The following SGCZ variants were observed in gnomAD, a reference collection of about 807,000 sequenced individuals.
SGCZ encodes the protein zeta-sarcoglycan.
SGCZ carries 40 observed loss-of-function variants against 41.3 expected under a neutral mutation model. That is an observed-to-expected ratio of 0.97 (90% CI 0.75 to 1.26). SGCZ has a LOEUF of 1.26. SGCZ is among the 50% of genes most tolerant of loss of function. The probability of loss-of-function intolerance (pLI) is 0.00; values close to 1 mark genes in which losing one functional copy is unlikely to be tolerated. For synonymous variants in SGCZ, 206 were observed against 137.5 expected (o/e 1.50, Z -3.49); for missense variants, 552 against 369.8 (o/e 1.49, Z -4.04).
At chr8:14,298,777 G>A (rs182847295) in intron 3 of SGCZ, among the ~76,000 whole-genome samples, 2 of 152,098 alleles carry the variant, frequency 1.3e-5, no homozygotes, top group African/African-American at 4.8e-5. Flanking sequence ...TTGACCAATG[G>A]AGTCAATGGA....
At chr8:15,108,091 T>C (rs1019676176) in intron 1 of SGCZ, among the ~76,000 whole-genome samples, 8 of 152,218 alleles carry the variant, frequency 5.3e-5, no homozygotes, top group Non-Finnish European at 7.3e-5. Context: ...GATTTATTTA[T>C]GAATTCTACT....
chr8:15,137,819 G>C (rs1226855131), intron 1 of SGCZ, among the ~76,000 whole-genome samples: 2 of 152,234 alleles, frequency 1.3e-5, no homozygotes, highest in East Asian at 3.9e-4. Flanking sequence ...TGCTAGGACA[G>C]CATGGAAGGG....
At chr8:14,308,087 T>TAG (rs1801404716) in intron 3 of SGCZ, among the ~76,000 whole-genome samples, 1 of 152,112 alleles carries the variant, frequency 6.6e-6, no homozygotes, top group Non-Finnish European at 1.5e-5. Context: ...ATTCATTTTG[T>TAG]CAAAAATGAA....
chr8:14,440,725 GTATATGTA>G lies in SGCZ; in HGVS notation c.234+113999_234+114006del, dbSNP rs1488250845. ...TATATGTATATACATACGTATACAC[GTATATGTA>G]TATATGTATATACATACGTATACAC... On this transcript the variant is annotated intron_variant, in intron 2 of 7. Transcript: ENST00000382080. Among the ~76,000 whole-genome samples, 12 of 58,710 alleles carry G rather than the reference GTATATGTA, an allele frequency of 2.0e-4. 1 individual carries two copies. Among genetic ancestry groups the G allele is most frequent in the Admixed American group, 5.8e-4 (3 of 5,172 alleles). 38.5% of individuals were successfully genotyped at this position (58,710 alleles called of 152,430 possible). A position where few individuals can be genotyped will look rare whatever the true frequency, so the allele number is the denominator to read the frequency against.
intron 2 of SGCZ, among the ~76,000 whole-genome samples, chr8:14,440,833 A>G (rs1396017915): frequency 2.8e-5 from 4 of 143,952 alleles, no homozygotes; most frequent in Admixed American, 7.0e-5. Context: ...ATATACATAC[A>G]TATATGTGTA....
chr8:14,608,782 C>A (rs770496260), intron 1 of SGCZ, among the ~76,000 whole-genome samples: 4 of 151,844 alleles, frequency 2.6e-5, no homozygotes, highest in East Asian at 3.9e-4. Context: ...CACATTTCAA[C>A]GTGAGATTTG....
intron 1 of SGCZ, among the ~76,000 whole-genome samples, chr8:14,663,108 C>A (rs1318855074): frequency 6.6e-6 from 1 of 152,120 alleles, no homozygotes; most frequent in African/African-American, 2.4e-5. Context: ...AAAACTATAA[C>A]ATTGGTGTCT....
At chr8:14,764,257 A>G (rs531823690) in intron 1 of SGCZ, among the ~76,000 whole-genome samples, 3 of 152,340 alleles carry the variant, frequency 2.0e-5, no homozygotes, top group Admixed American at 2.0e-4. Context: ...CACCCTTTGG[A>G]AAGCCCCAAT....
intron 5 of SGCZ, among the ~76,000 whole-genome samples, chr8:14,122,335 C>A (rs34389480): frequency 0.33 from 49,434 of 152,042 alleles, 10,244 homozygotes; most frequent in Non-Finnish European, 0.47. Flanking sequence ...GAGATAGGAA[C>A]ATTCTCATTC....
intron 7 of SGCZ, among the ~76,000 whole-genome samples, chr8:14,099,144 T>C (rs1228063352): frequency 6.6e-6 from 1 of 152,162 alleles, no homozygotes; most frequent in Non-Finnish European, 1.5e-5. Context: ...ATTGATTCTT[T>C]CCAACATAGC....
chr8:15,024,553 T>C (rs950632853), intron 1 of SGCZ, among the ~76,000 whole-genome samples: 4 of 152,142 alleles, frequency 2.6e-5, no homozygotes, highest in African/African-American at 9.7e-5. Context: ...TATGGAATGT[T>C]AGAAGGTGAT....
At chr8:14,678,378 C>G (rs1349716748) in intron 1 of SGCZ, among the ~76,000 whole-genome samples, 1 of 152,074 alleles carries the variant, frequency 6.6e-6, no homozygotes, top group Non-Finnish European at 1.5e-5. Flanking sequence ...GGGCCAGACA[C>G]CTTAATAGAC....
intron 1 of SGCZ, among the ~76,000 whole-genome samples, chr8:15,002,479 G>C (rs182783008): frequency 6.6e-6 from 1 of 152,244 alleles, no homozygotes; most frequent in African/African-American, 2.4e-5. Context: ...CTGGGAATGT[G>C]TGTGGCTGTG....
chr8:14,815,624 T>C (rs758489433), intron 1 of SGCZ, among the ~76,000 whole-genome samples: 41 of 152,174 alleles, frequency 2.7e-4, no homozygotes, highest in Admixed American at 1.4e-3. Flanking sequence ...TGTATAGAAA[T>C]ATGCAGTACC....
At chr8:14,843,721 T>A (rs1233075423) in intron 1 of SGCZ, among the ~76,000 whole-genome samples, 1 of 152,106 alleles carries the variant, frequency 6.6e-6, no homozygotes, top group African/African-American at 2.4e-5. Flanking sequence ...TAAAGATGAA[T>A]AAACGTGGTC....
At chr8:14,867,708 G>A (rs1435183615) in intron 1 of SGCZ, among the ~76,000 whole-genome samples, 2 of 152,058 alleles carry the variant, frequency 1.3e-5, no homozygotes, top group East Asian at 3.9e-4. Context: ...ATAAGTGGGA[G>A]CTAAGTGATG....
At chr8:14,780,495 T>C (rs1002000868) in intron 1 of SGCZ, among the ~76,000 whole-genome samples, 10 of 152,078 alleles carry the variant, frequency 6.6e-5, no homozygotes, top group Non-Finnish European at 1.5e-4. Context: ...CTATTGTTAA[T>C]CCTTCCCTTG....
At chr8:14,588,060 CAT>C (rs1011548209) in intron 1 of SGCZ, among the ~76,000 whole-genome samples, 4 of 152,076 alleles carry the variant, frequency 2.6e-5, no homozygotes, top group African/African-American at 7.2e-5. Context: ...AATTTATACA[CAT>C]ATATATTTCA....
chr8:15,198,151 T>G (rs1352283589), intron 1 of SGCZ, among the ~76,000 whole-genome samples: 1 of 151,304 alleles, frequency 6.6e-6, no homozygotes, highest in Non-Finnish European at 1.5e-5. Context: ...CTATATATAT[T>G]AATCTATAAA....
Sources: gnomAD v4.1 joint callset for allele counts (sites outside exome capture counted in the v4.1 genomes callset) on GRCh38, gnomAD v4.1.1 for gene constraint, MANE v1.5 for transcripts, NCBI Gene and HGNC (gene_info 2026-07-23, HGNC 2026-07-21) for gene names.